GALNT13: variants seen among roughly 807,000 people sequenced by gnomAD.
The protein encoded by GALNT13 is UDP-GalNAc:polypeptide N-acetylgalactosaminyltransferase 13.
Under a neutral mutation model 64.2 loss-of-function variants are expected in GALNT13, and 28 were observed. The observed-to-expected ratio is 0.44, with a 90% CI of 0.32 to 0.60. The LOEUF is 0.60. GALNT13 is among the 20% of genes least tolerant of loss of function. GALNT13 has a pLI of 0.05. For missense variants in GALNT13, 577 were observed against 669.8 expected (o/e 0.86, Z 1.53); for synonymous variants, 214 against 224.6 (o/e 0.95, Z 0.42).
intron 9 of GALNT13, among the ~76,000 whole-genome samples, chr2:154,348,996 G>T (rs1696233183): frequency 6.6e-6 from 1 of 152,134 alleles, no homozygotes; most frequent in South Asian, 2.1e-4. Context: ...AACATTTGTT[G>T]CAGGTTCACT....
intron 3 of GALNT13, among the ~76,000 whole-genome samples, chr2:154,035,716 T>C (rs1352266425): frequency 1.3e-5 from 2 of 152,022 alleles, no homozygotes; most frequent in South Asian, 2.1e-4. Context: ...GAATTATTTA[T>C]TGAATACATT....
the GALNT13 span, among the ~76,000 whole-genome samples, chr2:153,196,707 C>T: frequency 1.2e-4 from 19 of 152,148 alleles, no homozygotes; most frequent in Non-Finnish European, 2.1e-4. Context: ...CTCTGCCCAA[C>T]CGCACTGCTC....
At chr2:154,126,599 C>T (rs1188311865) in intron 3 of GALNT13, among the ~76,000 whole-genome samples, 1 of 148,682 alleles carries the variant, frequency 6.7e-6, no homozygotes, top group African/African-American at 2.5e-5. Context: ...CGCGCCATTG[C>T]ACTCCAGCCC....
At chr2:153,627,208 G>A in the GALNT13 span, among the ~76,000 whole-genome samples, 1 of 152,016 alleles carries the variant, frequency 6.6e-6, no homozygotes, top group East Asian at 1.9e-4. Context: ...AAAAGCCTTT[G>A]TCCTTAGTGA....
intron 3 of GALNT13, among the ~76,000 whole-genome samples, chr2:154,039,846 A>G (rs1339604943): frequency 1.4e-5 from 2 of 140,542 alleles, no homozygotes; most frequent in African/African-American, 4.9e-5. Flanking sequence ...GTCATTACAC[A>G]TTGTATACAT....
chr2:154,369,888 A>G (rs1697585309), intron 9 of GALNT13, among the ~76,000 whole-genome samples: 1 of 152,132 alleles, frequency 6.6e-6, no homozygotes, highest in Non-Finnish European at 1.5e-5. Context: ...ATGTGTGTGT[A>G]GAGGGGGAGA....
At chr2:153,462,033 A>G in the GALNT13 span, among the ~76,000 whole-genome samples, 413 of 152,074 alleles carry the variant, frequency 2.7e-3, 18 homozygotes, top group East Asian at 0.073. Flanking sequence ...TTCTCCTTTC[A>G]CTTTCTTAAA....
the GALNT13 span, among the ~76,000 whole-genome samples, chr2:153,511,083 G>C: frequency 6.6e-6 from 1 of 152,158 alleles, no homozygotes; most frequent in Non-Finnish European, 1.5e-5. Flanking sequence ...AGCAGAGAAA[G>C]GGGTGGAAGG....
chr2:153,931,629 C>A (rs1018000590), intron 2 of GALNT13, among the ~76,000 whole-genome samples: 4 of 151,960 alleles, frequency 2.6e-5, no homozygotes, highest in African/African-American at 9.7e-5. Flanking sequence ...ATTTTTAGTT[C>A]TGTTTATGTG....
At chr2:153,472,279 C>G in the GALNT13 span, among the ~76,000 whole-genome samples, 1 of 152,066 alleles carries the variant, frequency 6.6e-6, no homozygotes, top group Non-Finnish European at 1.5e-5. Flanking sequence ...ACTAAAAAAA[C>G]TATAACCTTC....
intron 11 of GALNT13, chr2:154,436,736 CAT>C (rs942382373): frequency 2.0e-5 from 3 of 152,066 alleles, no homozygotes; most frequent in Non-Finnish European, 2.9e-5. Context: ...TCATAAAAAA[CAT>C]ATGAACATGA....
chr2:153,967,245 A>G (rs1195462947), intron 3 of GALNT13, among the ~76,000 whole-genome samples: 1 of 152,118 alleles, frequency 6.6e-6, no homozygotes, highest in Non-Finnish European at 1.5e-5. Context: ...TTATTTAGTT[A>G]ATGTGGTGAG....
chr2:153,686,524 C>T, the GALNT13 span, among the ~76,000 whole-genome samples: 1 of 151,984 alleles, frequency 6.6e-6, no homozygotes, highest in African/African-American at 2.4e-5. Context: ...TGTTTATCAG[C>T]TTAAGAAGCT....
intron 8 of GALNT13, among the ~76,000 whole-genome samples, chr2:154,283,979 TTTTATG>T (rs1428965108): frequency 6.6e-6 from 1 of 152,214 alleles, no homozygotes; most frequent in Admixed American, 6.5e-5. Flanking sequence ...ATTCTTTTAT[TTTTATG>T]TTTATTTGTA....
At chr2:154,158,919 T>C (rs550735132) in intron 4 of GALNT13, among the ~76,000 whole-genome samples, 5 of 152,218 alleles carry the variant, frequency 3.3e-5, no homozygotes, top group Admixed American at 3.3e-4. Flanking sequence ...TTGGCCACAT[T>C]ATATAAAATT....
chr2:153,299,214 TATA>T, the GALNT13 span, among the ~76,000 whole-genome samples: 1 of 152,182 alleles, frequency 6.6e-6, no homozygotes, highest in Non-Finnish European at 1.5e-5. Context: ...TGTAGGAAGA[TATA>T]AGAACGAAGA....
chr2:153,402,072 T>A, the GALNT13 span, among the ~76,000 whole-genome samples: 1 of 147,218 alleles, frequency 6.8e-6, no homozygotes, highest in Admixed American at 6.7e-5. Context: ...GTACCGGTTG[T>A]TCCTTTCCAT....
At chr2:154,085,010 T>A (rs1380869932) in intron 3 of GALNT13, among the ~76,000 whole-genome samples, 1 of 151,910 alleles carries the variant, frequency 6.6e-6, no homozygotes, top group East Asian at 1.9e-4. Flanking sequence ...CCCAAGAACT[T>A]AATTATAGAA....
chr2:153,091,644 A>G, the GALNT13 span, among the ~76,000 whole-genome samples: 37,314 of 152,176 alleles, frequency 0.25, 4,845 homozygotes, highest in Admixed American at 0.29. Context: ...CTTGTCTCCC[A>G]TCTGCCATCC....
Sources: allele counts gnomAD v4.1 joint callset (sites outside exome capture counted in the v4.1 genomes callset), GRCh38; gene constraint gnomAD v4.1.1; transcripts MANE v1.5; gene names NCBI Gene and HGNC (gene_info 2026-07-23, HGNC 2026-07-21).